The following RLN2 variants were observed in gnomAD, a reference collection of about 807,000 sequenced individuals.
RLN2 encodes the protein prorelaxin H2.
A neutral mutation model predicts 7.3 loss-of-function variants in RLN2; 10 were observed. The ratio of observed to expected loss-of-function variants is 1.36; its 90% CI spans 0.84 to 2.31. The LOEUF (loss-of-function observed/expected upper bound fraction) is 2.31, where lower values mean the gene tolerates loss of function less well. Among genes scored for constraint, RLN2 ranks in the 30% most tolerant of loss-of-function variants. The probability of loss-of-function intolerance (pLI) is 0.00; values close to 1 mark genes in which losing one functional copy is unlikely to be tolerated. For missense variants in RLN2, 298 were observed against 217.6 expected (o/e 1.37, Z -2.32); for synonymous variants, 103 against 82.3 (o/e 1.25, Z -1.36).
upstream of RLN2, among the ~76,000 whole-genome samples, chr9:5,306,831 C>A (rs1816260313): frequency 6.6e-6 from 1 of 151,980 alleles, no homozygotes; most frequent in Non-Finnish European, 1.5e-5. Context: ...TGTAGGACAG[C>A]AGGAACATTC....
chr9:5,316,378 G>A, the RLN2 span, among the ~76,000 whole-genome samples: 2 of 150,606 alleles, frequency 1.3e-5, no homozygotes, highest in Non-Finnish European at 3.0e-5. Flanking sequence ...ATGCCATGGT[G>A]GTTTGCTGCA....
chr9:5,334,716 G>A, the RLN2 span, among the ~76,000 whole-genome samples: 1 of 151,846 alleles, frequency 6.6e-6, no homozygotes, highest in Non-Finnish European at 1.5e-5. Flanking sequence ...TTCAGACTCT[G>A]CTAGGAAAAA....
In RLN2 at chr9:5,300,122, T is replaced by G; in HGVS notation, c.534A>C (p.Lys178Asn). ...CTCAGCAAAATCTAGCAAGAGATCT[T>G]TTGGTACAACCAACATGGCAACATT... is the stretch of plus-strand genomic sequence containing the variant. ...ANKCCHVGCT[K>N]RSLARFC The change falls in exon 2 of 2, where the codon AAA (lysine) becomes AAC (asparagine). Residue 178 changes from lysine to asparagine, a missense_variant. Coordinates refer to ENST00000381627, the MANE Select transcript of RLN2 (RefSeq NM_134441.3). 6.3e-7 allele frequency: 1 copy of G among 1,598,808 alleles called. No homozygotes were observed. The highest frequency in any genetic ancestry group is 8.5e-7 in the Non-Finnish European group (1 of 1,174,766).
the RLN2 span, among the ~76,000 whole-genome samples, chr9:5,329,734 A>T: frequency 1.3e-5 from 2 of 151,980 alleles, 1 homozygote; most frequent in Non-Finnish European, 2.9e-5. Context: ...TATGGACCCA[A>T]TACAGGAGCA....
chr9:5,316,626 TC>T, the RLN2 span, among the ~76,000 whole-genome samples: 1 of 152,082 alleles, frequency 6.6e-6, no homozygotes, highest in African/African-American at 2.4e-5. Context: ...CATGAGCTTA[TC>T]CTTTTTTATG....
rs764248476 is a variant in RLN2, at chr9:5,304,599, T to C, written c.-19A>G. The C allele has an allele frequency of 1.2e-6, 2 of 1,612,272 alleles. No individual in the cohort carries two copies. The highest frequency in any genetic ancestry group is 4.5e-5 in the East Asian group (2 of 44,842). On this transcript the variant is annotated 5_prime_UTR_variant, in exon 1 of 2. Transcript: ENST00000381627. ...GAGGCATCCTGGGCCTGGTCTCTCC[T>C]GGAGGTCGGGACGTTGCAGCCTTTC...
chr9:5,314,415 A>G, the RLN2 span, among the ~76,000 whole-genome samples: 8 of 151,936 alleles, frequency 5.3e-5, no homozygotes, highest in Non-Finnish European at 2.9e-5. Flanking sequence ...TCAGCCTCCT[A>G]AAGAATTGGC....
Position 5,299,882 on chromosome 9 carries a change from G to A in RLN2, c.*216C>T, listed in dbSNP as rs1827118844. ...AAAAGGCTTTTCAGCAAAAAAATGT[G>A]TCATTTAATCACACAAAGAACATTT... On this transcript the variant is annotated 3_prime_UTR_variant, in exon 2 of 2. Coordinates refer to ENST00000381627, the MANE Select transcript of RLN2 (RefSeq NM_134441.3). 7.7e-6 allele frequency: 3 copies of A among 389,492 alleles called. No homozygotes were observed. The highest frequency in any genetic ancestry group is 1.4e-5 in the Non-Finnish European group (3 of 219,354). The allele number at this position is 389,492 out of a possible 1,614,324, so 24.1% of individuals were successfully genotyped here.
the RLN2 span, among the ~76,000 whole-genome samples, chr9:5,319,665 G>A: frequency 6.6e-6 from 1 of 151,948 alleles, no homozygotes; most frequent in Non-Finnish European, 1.5e-5. Flanking sequence ...CATGATGTTA[G>A]TTTATTTACA....
chr9:5,334,990 T>C, the RLN2 span: 1 of 336,112 alleles, frequency 3.0e-6, no homozygotes, highest in Non-Finnish European at 5.3e-6. Context: ...GGTTTTATTG[T>C]AATTTTAAGT....
intron 1 of RLN2, among the ~76,000 whole-genome samples, chr9:5,302,518 T>C (rs113766068): frequency 4.3e-4 from 65 of 152,334 alleles, no homozygotes; most frequent in African/African-American, 1.2e-3. Flanking sequence ...TACCTAGTAA[T>C]GGTAAACATT....
chr9:5,311,061 G>A, the RLN2 span, among the ~76,000 whole-genome samples: 3 of 152,012 alleles, frequency 2.0e-5, no homozygotes, highest in African/African-American at 4.8e-5. Context: ...AATTCACCAT[G>A]AGCTCATCTG....
chr9:5,330,454 C>T, the RLN2 span, among the ~76,000 whole-genome samples: 1 of 151,472 alleles, frequency 6.6e-6, no homozygotes. Flanking sequence ...CTGCCTCACA[C>T]AGTGAAACCC....
At chr9:5,334,243 G>C in the RLN2 span, among the ~76,000 whole-genome samples, 1 of 152,032 alleles carries the variant, frequency 6.6e-6, no homozygotes, top group Non-Finnish European at 1.5e-5. Context: ...GTTTGCAGAT[G>C]ACATGGTCCT....
the RLN2 span, among the ~76,000 whole-genome samples, chr9:5,325,967 A>G: frequency 1.3e-5 from 2 of 152,076 alleles, no homozygotes; most frequent in African/African-American, 4.8e-5. Flanking sequence ...TCTTTAGTCA[A>G]CAGACACTTG....
chr9:5,334,365 A>T, the RLN2 span, among the ~76,000 whole-genome samples: 1 of 152,076 alleles, frequency 6.6e-6, no homozygotes, highest in African/African-American at 2.4e-5. Context: ...GGAGGAGATT[A>T]ACTTGTCATT....
the RLN2 span, among the ~76,000 whole-genome samples, chr9:5,315,999 ATAAGAGAG>A: frequency 6.6e-6 from 1 of 152,066 alleles, no homozygotes; most frequent in South Asian, 2.1e-4. Flanking sequence ...ATATGAAGAT[ATAAGAGAG>A]TATCAAATTC....
At chr9:5,317,782 G>A in the RLN2 span, among the ~76,000 whole-genome samples, 3 of 151,994 alleles carry the variant, frequency 2.0e-5, no homozygotes, top group South Asian at 6.2e-4. Context: ...CTGTGAACAT[G>A]TCAAAAATGC....
At chr9:5,313,429 C>T in the RLN2 span, among the ~76,000 whole-genome samples, 1 of 151,980 alleles carries the variant, frequency 6.6e-6, no homozygotes, top group Non-Finnish European at 1.5e-5. Flanking sequence ...TATCTTTTTA[C>T]AACCTTTCTA....
Sources: gnomAD v4.1 joint callset for allele counts (sites outside exome capture counted in the v4.1 genomes callset) on GRCh38, gnomAD v4.1.1 for gene constraint, MANE v1.5 for transcripts, NCBI Gene and HGNC (gene_info 2026-07-23, HGNC 2026-07-21) for gene names.